MIPOL1: variants seen among roughly 807,000 people sequenced by gnomAD.
MIPOL1 encodes the protein mirror-image polydactyly gene 1 protein.
A neutral mutation model predicts 60.9 loss-of-function variants in MIPOL1; 57 were observed. That is an observed-to-expected ratio of 0.94 (90% CI 0.76 to 1.17). The LOEUF is 1.17. MIPOL1 is among the 50% of genes most tolerant of loss of function. The pLI is 0.00. For missense variants in MIPOL1, 551 were observed against 511.6 expected, an observed-to-expected ratio of 1.08 and a Z score of -0.74; for synonymous variants, 179 against 168.8, an observed-to-expected ratio of 1.06 and a Z score of -0.47.
chr14:37,263,720 A>G (rs968925788), intron 3 of MIPOL1, among the ~76,000 whole-genome samples: 1 of 152,208 alleles, frequency 6.6e-6, no homozygotes, highest in African/African-American at 2.4e-5. Flanking sequence ...ATGAAGTTGA[A>G]TAGTATTAAT....
chr14:37,550,009 A>G lies in MIPOL1; in HGVS notation c.*3038A>G, dbSNP rs905902287. 1 of 151,972 alleles carries G rather than the reference A, an allele frequency of 6.6e-6. No homozygotes were observed. The highest frequency in any genetic ancestry group is 1.5e-5 in the Non-Finnish European group (1 of 67,858). The allele number at this position is 151,972 out of a possible 1,614,324, so 9.4% of individuals were successfully genotyped here. ...CAAAGTTATTGGTTATAAGCAAGGTATAAGCAGTTAAAGCAAAGTTATTAA... is the reference window on the plus strand; with the variant it reads ...CAAAGTTATTGGTTATAAGCAAGGTGTAAGCAGTTAAAGCAAAGTTATTAA... On this transcript the variant is annotated 3_prime_UTR_variant, in exon 13 of 13. Coordinates refer to ENST00000684589, the MANE Select transcript of MIPOL1 (RefSeq NM_001388067.1).
intron 9 of MIPOL1, among the ~76,000 whole-genome samples, chr14:37,320,873 C>T (rs974195570): frequency 5.3e-5 from 8 of 152,012 alleles, no homozygotes; most frequent in African/African-American, 1.7e-4. Context: ...CTCCCAACAA[C>T]GAATTGCAGT....
chr14:37,247,938 C>T lies in MIPOL1; in HGVS notation c.19+31C>T, dbSNP rs1168795982. On this transcript the variant is annotated intron_variant, in intron 3 of 12. Coordinates refer to ENST00000684589, the MANE Select transcript of MIPOL1 (RefSeq NM_001388067.1). ...GACTTTTAAGGTATTAATACCAAGC[C>T]CCAGGTGTTGTTCTAGTTCAAGGCA... 1.9e-6 allele frequency: 3 copies of T among 1,608,434 alleles called. No individual in the cohort carries two copies. In the Admixed American group the frequency reaches 5.0e-5, roughly 27 times the overall value.
intron 11 of MIPOL1, among the ~76,000 whole-genome samples, chr14:37,428,757 A>G (rs936447931): frequency 6.6e-6 from 1 of 151,702 alleles, no homozygotes; most frequent in African/African-American, 2.4e-5. Flanking sequence ...AAATATGGAA[A>G]TACAGGTTTA....
At chr14:37,487,598 C>T (rs1019132798) in intron 11 of MIPOL1, among the ~76,000 whole-genome samples, 1 of 152,202 alleles carries the variant, frequency 6.6e-6, no homozygotes, top group Non-Finnish European at 1.5e-5. Flanking sequence ...TTATCCAATT[C>T]TTCTAGATTT....
intron 1 of MIPOL1, among the ~76,000 whole-genome samples, chr14:37,221,289 T>G (rs1002509010): frequency 6.6e-6 from 1 of 152,156 alleles, no homozygotes; most frequent in African/African-American, 2.4e-5. Flanking sequence ...TGTCATCTCA[T>G]GGCAACAGGT....
At chr14:37,203,599 T>G (rs1965633889) in intron 1 of MIPOL1, among the ~76,000 whole-genome samples, 1 of 152,146 alleles carries the variant, frequency 6.6e-6, no homozygotes, top group Non-Finnish European at 1.5e-5. Context: ...GTGATGTCAC[T>G]TCTCAGATTA....
chr14:37,425,067 A>G (rs1306070313), intron 11 of MIPOL1, among the ~76,000 whole-genome samples: 3 of 152,228 alleles, frequency 2.0e-5, no homozygotes, highest in South Asian at 2.1e-4. Flanking sequence ...GAACACATGA[A>G]TGCCATGTGG....
chr14:37,509,065 A>G (rs541726368), intron 12 of MIPOL1, among the ~76,000 whole-genome samples: 5 of 151,888 alleles, frequency 3.3e-5, no homozygotes, highest in Admixed American at 2.0e-4. Context: ...TTGCTTAAAG[A>G]TTTTATTTTT....
intron 10 of MIPOL1, among the ~76,000 whole-genome samples, chr14:37,372,126 T>G (rs2092656645): frequency 6.6e-6 from 1 of 151,976 alleles, no homozygotes; most frequent in African/African-American, 2.4e-5. Flanking sequence ...TAAATTCAAC[T>G]TGAGTAGGGT....
At chr14:37,500,988 T>A (rs1248547926) in intron 12 of MIPOL1, among the ~76,000 whole-genome samples, 1 of 152,222 alleles carries the variant, frequency 6.6e-6, no homozygotes, top group Non-Finnish European at 1.5e-5. Flanking sequence ...AGTGCTCACA[T>A]CAAGGTTTCT....
intron 7 of MIPOL1, among the ~76,000 whole-genome samples, chr14:37,286,329 A>G (rs1360632898): frequency 1.3e-5 from 2 of 152,224 alleles, no homozygotes; most frequent in Admixed American, 1.3e-4. Flanking sequence ...CTAATGTACA[A>G]TCTGACCACT....
intron 1 of MIPOL1, among the ~76,000 whole-genome samples, chr14:37,232,827 C>T (rs1970843118): frequency 6.6e-6 from 1 of 152,166 alleles, no homozygotes; most frequent in South Asian, 2.1e-4. Flanking sequence ...TCATTTACTT[C>T]TTTTAATGAA....
intron 7 of MIPOL1, among the ~76,000 whole-genome samples, chr14:37,299,805 C>G (rs2086206802): frequency 6.6e-6 from 1 of 152,002 alleles, no homozygotes; most frequent in African/African-American, 2.4e-5. Context: ...ACTAATTTTT[C>G]TCAAATATCC....
intron 12 of MIPOL1, among the ~76,000 whole-genome samples, chr14:37,545,158 T>C (rs1380425043): frequency 1.3e-5 from 2 of 152,254 alleles, no homozygotes; most frequent in East Asian, 3.8e-4. Flanking sequence ...TTTAACAATA[T>C]ATGCAAAGCA....
chr14:37,278,463 T>C (rs1196853792), intron 6 of MIPOL1: 4 of 151,794 alleles, frequency 2.6e-5, no homozygotes, highest in Non-Finnish European at 5.9e-5. Flanking sequence ...TAGATATTCA[T>C]AGAATTTGAG....
rs958184576 is a variant in MIPOL1, at chr14:37,319,126, T to G, written c.828+10607T>G. Among the ~76,000 whole-genome samples the G allele has an allele frequency of 2.6e-5, 4 of 151,934 alleles. 1 individual carries two copies. The highest frequency in any genetic ancestry group is 9.7e-5 in the African/African-American group (4 of 41,362). On this transcript the variant is annotated intron_variant, in intron 9 of 12. Coordinates refer to ENST00000684589, the MANE Select transcript of MIPOL1 (RefSeq NM_001388067.1). ...AAAGTGCTGAGATTACAGGCATGAG[T>G]CACTGCACCTGGTCTCATGCTTTGA...
chr14:37,442,420 T>C (rs1293406741), intron 11 of MIPOL1, among the ~76,000 whole-genome samples: 1 of 152,096 alleles, frequency 6.6e-6, no homozygotes, highest in Non-Finnish European at 1.5e-5. Flanking sequence ...TGAATAAGAA[T>C]GATGAGTGGA....
At chr14:37,205,876 C>T (rs1371759448) in intron 1 of MIPOL1, among the ~76,000 whole-genome samples, 1 of 152,138 alleles carries the variant, frequency 6.6e-6, no homozygotes, top group Non-Finnish European at 1.5e-5. Context: ...CATTGTTGGA[C>T]ATTTGGGTTG....
Sources: gnomAD v4.1 joint callset for allele counts (sites outside exome capture counted in the v4.1 genomes callset) on GRCh38, gnomAD v4.1.1 for gene constraint, MANE v1.5 for transcripts, NCBI Gene and HGNC (gene_info 2026-07-23, HGNC 2026-07-21) for gene names.